SLC38A12: variants seen among roughly 807,000 people sequenced by gnomAD.
SLC38A12 encodes the protein solute carrier family 38 member 12.
chr17:74,790,329 C>G, the SLC38A12 span: 104 of 1,577,554 alleles, frequency 6.6e-5, no homozygotes, highest in Middle Eastern at 1.7e-4. Context: ...GCCCGCACTT[C>G]CCTCCGGGCC....
At chr17:74,824,152 G>T in the SLC38A12 span, among the ~76,000 whole-genome samples, 1 of 152,202 alleles carries the variant, frequency 6.6e-6, no homozygotes, top group Non-Finnish European at 1.5e-5. Context: ...GGAGCACCCA[G>T]GTTTGCTCTG....
chr17:74,779,499 T>G, the SLC38A12 span, among the ~76,000 whole-genome samples: 2 of 152,146 alleles, frequency 1.3e-5, no homozygotes, highest in African/African-American at 4.8e-5. Flanking sequence ...TGGTCAGTGT[T>G]CTGAGGGGAG....
the SLC38A12 span, among the ~76,000 whole-genome samples, chr17:74,793,358 C>T: frequency 1.3e-5 from 2 of 152,198 alleles, no homozygotes; most frequent in Non-Finnish European, 2.9e-5. Context: ...CCAGCAGGGT[C>T]TGGGAGGCAA....
the SLC38A12 span, chr17:74,790,825 T>G: frequency 2.9e-6 from 2 of 700,896 alleles, no homozygotes; most frequent in East Asian, 5.7e-5. Context: ...CAGGAAACAT[T>G]AGGAAAAGTT....
chr17:74,816,384 A>G, the SLC38A12 span, among the ~76,000 whole-genome samples: 1 of 152,220 alleles, frequency 6.6e-6, no homozygotes, highest in Non-Finnish European at 1.5e-5. Flanking sequence ...GGAGGTGGGC[A>G]GCGCATGTAA....
chr17:74,838,818 C>T, the SLC38A12 span: 6 of 1,517,302 alleles, frequency 4.0e-6, no homozygotes, highest in Non-Finnish European at 4.4e-6. Flanking sequence ...GTGCATCCGG[C>T]ACGTTTCACT....
At chr17:74,808,605 C>G in the SLC38A12 span, among the ~76,000 whole-genome samples, 2 of 152,136 alleles carry the variant, frequency 1.3e-5, no homozygotes, top group Non-Finnish European at 2.9e-5. Context: ...TCAGGTGTCT[C>G]GGGAAGCTTG....
chr17:74,790,396 C>A, the SLC38A12 span: 1 of 1,064,822 alleles, frequency 9.4e-7, no homozygotes, highest in Non-Finnish European at 1.4e-6. Flanking sequence ...CAGATTCTGG[C>A]ATTTCCTGCC....
chr17:74,826,480 C>T, the SLC38A12 span, among the ~76,000 whole-genome samples: 1 of 152,270 alleles, frequency 6.6e-6, no homozygotes, highest in African/African-American at 2.4e-5. Flanking sequence ...AGCTGGCCCA[C>T]ATGGGAAGAT....
the SLC38A12 span, chr17:74,836,790 G>A: frequency 1.3e-5 from 19 of 1,469,102 alleles, no homozygotes; most frequent in Middle Eastern, 1.8e-4. This position sits in a 1 kb window ranked among gnomAD's most constrained non-coding sequence, Gnocchi z 4.2. Context: ...CATGGGGCAG[G>A]TGGGACTGTG....
chr17:74,829,564 A>G, the SLC38A12 span, among the ~76,000 whole-genome samples: 1 of 152,046 alleles, frequency 6.6e-6, no homozygotes, highest in Non-Finnish European at 1.5e-5. This position sits in a 1 kb window ranked among gnomAD's most constrained non-coding sequence, Gnocchi z 4.1. Context: ...ACCTTCAGGG[A>G]GAGCGTGGGC....
the SLC38A12 span, chr17:74,835,917 C>T: frequency 9.4e-6 from 15 of 1,591,534 alleles, no homozygotes; most frequent in East Asian, 1.3e-4. Context: ...TCCTCTCTCT[C>T]GTTTCCCAGC....
At chr17:74,819,517 C>T in the SLC38A12 span, among the ~76,000 whole-genome samples, 7 of 152,316 alleles carry the variant, frequency 4.6e-5, no homozygotes, top group Middle Eastern at 3.4e-3. Flanking sequence ...TCAGCATTGT[C>T]GGAACAGTAC....
chr17:74,790,957 G>A, the SLC38A12 span: 1 of 1,614,058 alleles, frequency 6.2e-7, no homozygotes, highest in Non-Finnish European at 8.5e-7. Context: ...GCTCTGCAGA[G>A]AGACGTGGAT....
At chr17:74,828,896 C>T in the SLC38A12 span, among the ~76,000 whole-genome samples, 174 of 152,172 alleles carry the variant, frequency 1.1e-3, 1 homozygote, top group African/African-American at 3.9e-3. Context: ...TCAGGTGCTT[C>T]CCAGGTACGC....
the SLC38A12 span, among the ~76,000 whole-genome samples, chr17:74,830,685 T>C: frequency 6.6e-6 from 1 of 152,234 alleles, no homozygotes; most frequent in East Asian, 1.9e-4. Context: ...TAAATTTTAC[T>C]TCTAGCCTCC....
At chr17:74,824,764 T>G in the SLC38A12 span, among the ~76,000 whole-genome samples, 2 of 152,180 alleles carry the variant, frequency 1.3e-5, no homozygotes, top group African/African-American at 4.8e-5. Flanking sequence ...GACACCGTCC[T>G]CTTCAGGCGT....
chr17:74,803,358 C>T, the SLC38A12 span, among the ~76,000 whole-genome samples: 5 of 152,078 alleles, frequency 3.3e-5, no homozygotes, highest in South Asian at 2.1e-4. Flanking sequence ...AAAGCAGTAA[C>T]CAGCGATTCC....
the SLC38A12 span, among the ~76,000 whole-genome samples, chr17:74,788,315 G>A: frequency 1.5e-3 from 234 of 152,270 alleles, 1 homozygote; most frequent in African/African-American, 5.3e-3. Context: ...CCATGCCTGC[G>A]CTCCTTCCGT....
Sources: allele counts gnomAD v4.1 joint callset (sites outside exome capture counted in the v4.1 genomes callset), GRCh38; gene constraint gnomAD v4.1.1; non-coding constraint Gnocchi (gnomAD v3.1); transcripts MANE v1.5; gene names NCBI Gene and HGNC (gene_info 2026-07-23, HGNC 2026-07-21).